INTU: variants seen among roughly 807,000 people sequenced by gnomAD.
INTU encodes the protein inturned planar cell polarity protein.
INTU carries 68 observed loss-of-function variants against 100.5 expected under a neutral mutation model. The observed-to-expected ratio is 0.68, with a 90% CI of 0.56 to 0.83. INTU has a LOEUF of 0.83. Among genes scored for constraint, INTU ranks in the 40% least tolerant of loss-of-function variants. The probability of loss-of-function intolerance (pLI) is 0.00; values close to 1 mark genes in which losing one functional copy is unlikely to be tolerated. For missense variants in INTU, 1,071 were observed against 1,114.7 expected (o/e 0.96, Z 0.56); for synonymous variants, 357 against 395.7 (o/e 0.90, Z 1.16).
At chr4:127,648,571 A>G (rs1727692284) in intron 2 of INTU, among the ~76,000 whole-genome samples, 3 of 152,198 alleles carry the variant, frequency 2.0e-5, no homozygotes, top group Non-Finnish European at 4.4e-5. Flanking sequence ...TTGGCACATC[A>G]TCCAATGGAG....
chr4:127,663,025 T>G (rs973047885), intron 3 of INTU, among the ~76,000 whole-genome samples: 2 of 152,224 alleles, frequency 1.3e-5, no homozygotes, highest in African/African-American at 4.8e-5. Flanking sequence ...TATTGTGGTG[T>G]TATTCTTTTT....
At chr4:127,644,815 AG>A (rs1727499960) in intron 2 of INTU, among the ~76,000 whole-genome samples, 1 of 152,256 alleles carries the variant, frequency 6.6e-6, no homozygotes, top group African/African-American at 2.4e-5. Context: ...AAGTTTATCT[AG>A]CATAAGAGGT....
At chr4:127,689,838 AAAAGAG>A (rs1730031803) in intron 8 of INTU, among the ~76,000 whole-genome samples, 1 of 152,156 alleles carries the variant, frequency 6.6e-6, no homozygotes, top group Admixed American at 6.6e-5. Context: ...CTTTACCTTT[AAAAGAG>A]AAAGACCCTG....
At position 127,707,524 on chromosome 4, in the gene INTU, T is replaced by C. The variant is rs150181066; in HGVS notation, c.2271+555T>C. Among the ~76,000 whole-genome samples the C allele has an allele frequency of 7.8e-3, 1,187 of 152,174 alleles. 16 individuals are homozygous for C. Among genetic ancestry groups the C allele is most frequent in the African/African-American group, 0.023 (946 of 41,528 alleles). ...AATTTCCGTGTTCATCTCTTCCCTA[T>C]TTGCAATGACAACAGAGAGCATCCA... On this transcript the variant is annotated intron_variant, in intron 12 of 15. Coordinates refer to ENST00000335251, the MANE Select transcript of INTU (RefSeq NM_015693.4).
intron 8 of INTU, among the ~76,000 whole-genome samples, chr4:127,688,585 TC>T (rs928512003): frequency 5.3e-5 from 8 of 152,188 alleles, no homozygotes; most frequent in Non-Finnish European, 1.2e-4. Context: ...TAATTCAAGT[TC>T]CTACTCTTCA....
chr4:127,716,343 A>G lies in INTU; in HGVS notation c.2736A>G (p.Pro912=). 6.4e-7 allele frequency: 1 copy of G among 1,566,542 alleles called. No individual in the cohort carries two copies. Among genetic ancestry groups the G allele is most frequent in the Non-Finnish European group, 8.7e-7 (1 of 1,155,818 alleles). ...TCTGCAGGAGACTTTTTCTTCATCC[A>G]AAACCTCAAGAACTTTATGTCTGTT... ...YWVVGRLFLH[P]KPQELYVCFH... Residue 912 remains proline, a synonymous_variant, in exon 16 of 16, where the codon CCA becomes CCG. Coordinates refer to ENST00000335251, the MANE Select transcript of INTU (RefSeq NM_015693.4).
chr4:127,634,379 G>A (rs1726976037), intron 1 of INTU, among the ~76,000 whole-genome samples: 1 of 152,122 alleles, frequency 6.6e-6, no homozygotes, highest in South Asian at 2.1e-4. Flanking sequence ...TTTTAGAGTC[G>A]CATACTTTTA....
At chr4:127,677,117 C>A (rs1297639694) in intron 6 of INTU, among the ~76,000 whole-genome samples, 1 of 152,194 alleles carries the variant, frequency 6.6e-6, no homozygotes, top group Non-Finnish European at 1.5e-5. Context: ...TGGGTGGAGC[C>A]CACCACAGCT....
intron 1 of INTU, among the ~76,000 whole-genome samples, 200 bp from the exon 2 acceptor site, chr4:127,643,321 C>CA (rs1225131265): frequency 6.6e-6 from 1 of 151,550 alleles, no homozygotes; most frequent in East Asian, 1.9e-4. Context: ...CAAAGCTCTA[C>CA]AAAAAAAGCA....
intron 8 of INTU, among the ~76,000 whole-genome samples, chr4:127,691,230 A>G (rs1402364950): frequency 1.3e-5 from 2 of 152,150 alleles, no homozygotes; most frequent in African/African-American, 4.8e-5. Flanking sequence ...TTGTTCAGGT[A>G]TACCATAGTT....
intron 14 of INTU, among the ~76,000 whole-genome samples, chr4:127,712,598 G>C (rs1391525979): frequency 6.6e-6 from 1 of 152,170 alleles, no homozygotes; most frequent in Non-Finnish European, 1.5e-5. Flanking sequence ...TTAGAAAATA[G>C]TATGCTGAGA....
At chr4:127,692,130 G>A (rs1730172812) in intron 8 of INTU, among the ~76,000 whole-genome samples, 1 of 151,730 alleles carries the variant, frequency 6.6e-6, no homozygotes, top group East Asian at 1.9e-4. Context: ...TAGTGGGATT[G>A]CTGTATCAAT....
intron 8 of INTU, among the ~76,000 whole-genome samples, chr4:127,698,785 C>T (rs1031920824): frequency 6.6e-6 from 1 of 151,994 alleles, no homozygotes; most frequent in African/African-American, 2.4e-5. Flanking sequence ...ACTAATTAGC[C>T]TGTAGAGTTT....
chr4:127,649,188 A>G (rs896267611), intron 2 of INTU, among the ~76,000 whole-genome samples: 2 of 152,216 alleles, frequency 1.3e-5, no homozygotes, highest in African/African-American at 4.8e-5. Flanking sequence ...CTTAAAGGAA[A>G]GGAACTCTGA....
rs916585169 is a variant in INTU, at chr4:127,725,427, T to C, written c.*8991T>C. 1.3e-5 allele frequency: 2 copies of C among 152,224 alleles called. No individual in the cohort carries two copies. The highest frequency in any genetic ancestry group is 2.9e-5 in the Non-Finnish European group (2 of 68,036). 9.4% of individuals were successfully genotyped at this position (152,224 alleles called of 1,614,324 possible). On this transcript the variant is annotated 3_prime_UTR_variant, in exon 16 of 16. Transcript: ENST00000335251. ...TTACATATATATGTATTAAGACACT[T>C]TGGTTAAAACAATTTATTAAATGTC...
intron 4 of INTU, 39 bp downstream of exon 4, chr4:127,663,623 C>G (rs1306504017): frequency 1.3e-6 from 2 of 1,543,878 alleles, no homozygotes; most frequent in Non-Finnish European, 1.8e-6. Context: ...TAAGTTTAGT[C>G]AAAAGCCCAA....
At chr4:127,685,346 C>A in intron 7 of INTU, 1 of 403,964 alleles carries the variant, frequency 2.5e-6, no homozygotes, top group Non-Finnish European at 5.0e-6. Flanking sequence ...TATATCAGTA[C>A]AAAAATCCAA....
chr4:127,654,467 C>T (rs1728076591), intron 2 of INTU, among the ~76,000 whole-genome samples: 1 of 151,960 alleles, frequency 6.6e-6, no homozygotes, highest in Non-Finnish European at 1.5e-5. Flanking sequence ...TATTTTATTT[C>T]TCCTTTGCTT....
chr4:127,675,929 C>T (rs1292335372), intron 6 of INTU: 1 of 327,236 alleles, frequency 3.1e-6, no homozygotes, highest in Non-Finnish European at 6.5e-6. Context: ...GCTCAGCCCA[C>T]ACTCATGGGG....
Sources: gnomAD v4.1 joint callset for allele counts (sites outside exome capture counted in the v4.1 genomes callset) on GRCh38, gnomAD v4.1.1 for gene constraint, MANE v1.5 for transcripts, NCBI Gene and HGNC (gene_info 2026-07-23, HGNC 2026-07-21) for gene names.